Variants in CUL5 observed in about 807,000 individuals in gnomAD.
CUL5 encodes cullin 5, also known as cullin-5.
CUL5 carries 26 observed loss-of-function variants against 108.8 expected under a neutral mutation model. That is an observed-to-expected ratio of 0.24 (90% CI 0.18 to 0.33). The LOEUF is 0.33. CUL5 is among the 10% of genes least tolerant of loss of function. The probability of loss-of-function intolerance (pLI) is 1.00; values close to 1 mark genes in which losing one functional copy is unlikely to be tolerated. For synonymous variants in CUL5, 334 were observed against 298.0 expected, an observed-to-expected ratio of 1.12 and a Z score of -1.25; for missense variants, 524 against 909.2, an observed-to-expected ratio of 0.58 and a Z score of 5.45.
intron 2 of CUL5, among the ~76,000 whole-genome samples, chr11:108,039,338 C>G (rs1366489616): frequency 6.6e-6 from 1 of 152,054 alleles, no homozygotes; most frequent in Non-Finnish European, 1.5e-5. Context: ...CTTATGAACT[C>G]CAGTCATGAA....
intron 18 of CUL5, among the ~76,000 whole-genome samples, chr11:108,100,452 G>A (rs1435519444): frequency 2.0e-5 from 3 of 152,130 alleles, no homozygotes; most frequent in African/African-American, 7.2e-5. Flanking sequence ...GCTGAGGCAG[G>A]AGAATTGCCT....
At chr11:108,052,878 G>T in intron 5 of CUL5, 77 bp downstream of exon 5, 2 of 1,287,114 alleles carry the variant, frequency 1.6e-6, no homozygotes, top group Admixed American at 2.6e-5. Flanking sequence ...CACAATCAAA[G>T]TTAAGTTTAT....
At chr11:108,098,963 A>G (rs1452053817) in intron 18 of CUL5, among the ~76,000 whole-genome samples, 1 of 151,076 alleles carries the variant, frequency 6.6e-6, no homozygotes, top group African/African-American at 2.4e-5. Context: ...TTCAACTTTT[A>G]CTATTTTCAT....
chr11:108,034,276 G>A (rs375060240), intron 2 of CUL5, among the ~76,000 whole-genome samples: 2 of 152,200 alleles, frequency 1.3e-5, no homozygotes, highest in Admixed American at 6.5e-5. Flanking sequence ...GATTGACAGC[G>A]TGTGATATGT....
intron 9 of CUL5, 28 bp downstream of exon 9, chr11:108,072,490 G>C: frequency 6.4e-7 from 1 of 1,565,778 alleles, no homozygotes; most frequent in Non-Finnish European, 8.7e-7. Context: ...GGCAATGATA[G>C]ATATATATCA....
chr11:108,059,607 G>A (rs1187963605), intron 7 of CUL5, among the ~76,000 whole-genome samples: 3 of 152,066 alleles, frequency 2.0e-5, no homozygotes, highest in African/African-American at 7.2e-5. Context: ...GGCCGGGCGC[G>A]GTGGCTCACG....
At chr11:108,088,728 C>CT (rs1159901276) in intron 12 of CUL5, 69 bp downstream of exon 12, 3 of 1,234,114 alleles carry the variant, frequency 2.4e-6, no homozygotes, top group Non-Finnish European at 1.1e-6. Context: ...GCTTATAGGA[C>CT]TTTCTGTGAT....
intron 8 of CUL5, among the ~76,000 whole-genome samples, chr11:108,070,783 A>C (rs1863802264): frequency 6.6e-6 from 1 of 152,156 alleles, no homozygotes; most frequent in South Asian, 2.1e-4. Context: ...ACTTCTACTG[A>C]GTTTCCAGGT....
intron 11 of CUL5, among the ~76,000 whole-genome samples, chr11:108,085,428 G>C (rs555714587): frequency 4.4e-4 from 67 of 152,154 alleles, no homozygotes; most frequent in African/African-American, 1.4e-3. Flanking sequence ...ATGGGGAAGG[G>C]GGGGATGGGA....
chr11:108,015,179 A>G (rs1224940088), intron 1 of CUL5, among the ~76,000 whole-genome samples: 2 of 152,182 alleles, frequency 1.3e-5, no homozygotes, highest in Non-Finnish European at 2.9e-5. Flanking sequence ...GATTACAGGC[A>G]TGAGCCATCA....
At chr11:108,088,725 G>T in intron 12 of CUL5, 66 bp downstream of exon 12, 1 of 1,287,642 alleles carries the variant, frequency 7.8e-7, no homozygotes, top group Non-Finnish European at 1.1e-6. Context: ...TTTGCTTATA[G>T]GACTTTCTGT....
At chr11:108,010,466 G>A (rs1345249501) in intron 1 of CUL5, among the ~76,000 whole-genome samples, 2 of 152,192 alleles carry the variant, frequency 1.3e-5, no homozygotes, top group Non-Finnish European at 2.9e-5. Flanking sequence ...CTAAGAGGCA[G>A]TACTGTATAT....
At chr11:108,020,145 G>A (rs1189082390) in intron 1 of CUL5, among the ~76,000 whole-genome samples, 1 of 152,160 alleles carries the variant, frequency 6.6e-6, no homozygotes, top group Non-Finnish European at 1.5e-5. Flanking sequence ...ATGAGGCTTG[G>A]TGGACAAACA....
At chr11:108,016,089 A>T (rs188391176) in intron 1 of CUL5, among the ~76,000 whole-genome samples, 1 of 152,028 alleles carries the variant, frequency 6.6e-6, no homozygotes, top group East Asian at 1.9e-4. Flanking sequence ...AGGTCTGGCT[A>T]ATTTTTTATA....
At chr11:108,031,291 G>A (rs10890798) in intron 1 of CUL5, among the ~76,000 whole-genome samples, 53,204 of 151,246 alleles carry the variant, frequency 0.35, 10,979 homozygotes, top group Middle Eastern at 0.54. Flanking sequence ...CCTGACCCTG[G>A]GAGGTAGAGG....
intron 7 of CUL5, among the ~76,000 whole-genome samples, chr11:108,058,186 GCGATA>G (rs1199419430): frequency 1.4e-4 from 21 of 146,834 alleles, no homozygotes; most frequent in African/African-American, 4.8e-4. Flanking sequence ...TCCAGCCTGG[GCGATA>G]GAGCAAGACT....
In CUL5 at chr11:108,052,703, A is replaced by G; in HGVS notation, c.455A>G (p.Lys152Arg). ...AATGAGTCAATCTTTTCAAACATAAAAAACAGACTCCAAGATAGTGCAATG... is the reference window on the plus strand; with the variant it reads ...AATGAGTCAATCTTTTCAAACATAAGAAACAGACTCCAAGATAGTGCAATG... Reference protein sequence around the residue: ...TWNESIFSNIKNRLQDSAMKL... With the variant: ...TWNESIFSNIRNRLQDSAMKL... The change falls in exon 5 of 19, where the codon AAA (lysine) becomes AGA (arginine). Residue 152 changes from lysine to arginine, a missense_variant. Physicochemically the swap from Lys to Arg is conservative, Grantham distance 26. Coordinates refer to ENST00000393094, the MANE Select transcript of CUL5 (RefSeq NM_003478.6). 1 of 1,613,046 alleles carries G rather than the reference A, an allele frequency of 6.2e-7. No homozygotes were observed. The highest frequency in any genetic ancestry group is 8.5e-7 in the Non-Finnish European group (1 of 1,179,426).
chr11:108,027,573 A>C (rs1026843640), intron 1 of CUL5, among the ~76,000 whole-genome samples: 4 of 151,578 alleles, frequency 2.6e-5, no homozygotes, highest in Admixed American at 6.6e-5. Context: ...TGCCCAGCCA[A>C]ATTTTTTGTA....
At chr11:108,065,661 C>G (rs1299295418) in intron 7 of CUL5, among the ~76,000 whole-genome samples, 4 of 152,210 alleles carry the variant, frequency 2.6e-5, no homozygotes, top group Non-Finnish European at 5.9e-5. Flanking sequence ...CATACAGCTG[C>G]TGCTGGGGGA....
Sources: gnomAD v4.1 joint callset for allele counts (sites outside exome capture counted in the v4.1 genomes callset) on GRCh38, gnomAD v4.1.1 for gene constraint, MANE v1.5 for transcripts, NCBI Gene and HGNC (gene_info 2026-07-23, HGNC 2026-07-21) for gene names.